Variants in NEK5 observed in about 807,000 individuals in gnomAD.
NEK5 encodes the protein NIMA related kinase 5.
A neutral mutation model predicts 109.2 loss-of-function variants in NEK5; 88 were observed. The ratio of observed to expected loss-of-function variants is 0.81; its 90% CI spans 0.68 to 0.96. The LOEUF is 0.96. Among genes scored for constraint, NEK5 ranks in the 40% least tolerant of loss-of-function variants. The probability of loss-of-function intolerance (pLI) is 0.00; values close to 1 mark genes in which losing one functional copy is unlikely to be tolerated. For synonymous variants in NEK5, 283 were observed against 299.9 expected, an observed-to-expected ratio of 0.94 and a Z score of 0.58; for missense variants, 834 against 920.7, an observed-to-expected ratio of 0.91 and a Z score of 1.22.
intron 12 of NEK5, among the ~76,000 whole-genome samples, chr13:52,096,817 C>G (rs929527710): frequency 6.6e-6 from 1 of 152,172 alleles, no homozygotes; most frequent in Non-Finnish European, 1.5e-5. Context: ...ATGTTGTTAG[C>G]CAAGATAATG....
At chr13:52,109,268 A>C (rs937567452) in intron 7 of NEK5, among the ~76,000 whole-genome samples, 29 of 152,140 alleles carry the variant, frequency 1.9e-4, no homozygotes, top group African/African-American at 7.0e-4. Context: ...GCAGGGTCTG[A>C]TATGCCTCAT....
chr13:52,047,572 C>T (rs915158424), intron 23 of NEK5, among the ~76,000 whole-genome samples: 15 of 152,114 alleles, frequency 9.9e-5, no homozygotes, highest in African/African-American at 3.6e-4. Flanking sequence ...GCTGTAATCC[C>T]AGCATCTGGC....
At chr13:52,088,461 G>A (rs1412384972) in intron 14 of NEK5, among the ~76,000 whole-genome samples, 1 of 146,688 alleles carries the variant, frequency 6.8e-6, no homozygotes, top group Non-Finnish European at 1.5e-5. Flanking sequence ...CACCATGTTG[G>A]TCAGGCTCAT....
chr13:52,046,243 A>G (rs534392514), intron 23 of NEK5, among the ~76,000 whole-genome samples: 19 of 151,656 alleles, frequency 1.3e-4, no homozygotes, highest in Non-Finnish European at 2.5e-4. Flanking sequence ...TTGGGGGGCC[A>G]AGGCATGAAA....
chr13:52,110,469 C>G (rs746159960), intron 6 of NEK5, 25 bp downstream of exon 6: 1 of 1,597,346 alleles, frequency 6.3e-7, no homozygotes, highest in Non-Finnish European at 8.6e-7. Context: ...TCAGTTCTGT[C>G]TTAGTCTTCT....
intron 22 of NEK5, among the ~76,000 whole-genome samples, chr13:52,054,442 T>C (rs1954534714): frequency 6.6e-6 from 1 of 152,214 alleles, no homozygotes; most frequent in African/African-American, 2.4e-5. Context: ...TGCCTCAGCC[T>C]CCCAAAGGGC....
rs1954492277 is a variant in NEK5 at position 52,050,221 on chromosome 13, G to A, written c.2111C>T (p.Ala704Val). 1.0e-6 allele frequency: 1 copy of A among 971,936 alleles called. No individual in the cohort carries two copies. Among genetic ancestry groups the A allele is most frequent in the African/African-American group, 1.8e-5 (1 of 56,940 alleles). 60.2% of individuals were successfully genotyped at this position (971,936 alleles called of 1,614,324 possible). A position where few individuals can be genotyped will look rare whatever the true frequency, so the allele number is the denominator to read the frequency against. ...TAGCCATTGTTTTAATGTTCCCATT[G>A]CTAAAGAAATGACAGAGAAAGATAT... ...SSSFSADEEF[A>V]MGTLKQWLPK... Residue 704 changes from alanine (A) to valine (V), a missense_variant and splice_region_variant, in exon 23 of 24, where the codon GCA (alanine) becomes GTA (valine). Physicochemically the swap from Ala to Val is moderately conservative, Grantham distance 64 (BLOSUM62 0). This residue lies in a region of NEK5 where 777 missense variants were observed against 824.7 expected (regional missense o/e 0.94). Coordinates refer to ENST00000684899, the MANE Select transcript of NEK5 (RefSeq NM_001365552.1).
chr13:52,112,377 G>T lies in NEK5; in HGVS notation c.215-12C>A. The T allele has an allele frequency of 6.6e-7, 1 of 1,509,814 alleles. No individual in the cohort carries two copies. The highest frequency in any genetic ancestry group is 9.2e-7 in the Non-Finnish European group (1 of 1,085,838). The allele number at this position is 1,509,814 out of a possible 1,614,324, so 93.5% of individuals were successfully genotyped here. ...CAGCCTGCCATTCTCTGTAAGAAAA[G>T]GAATCATTTGGTGCTGGAAGGATTT... is the stretch of plus-strand genomic sequence containing the variant. On this transcript the variant is annotated splice_polypyrimidine_tract_variant and intron_variant, in intron 4 of 23. Transcript: ENST00000684899.
At chr13:52,121,658 G>A (rs867000366) in intron 3 of NEK5, among the ~76,000 whole-genome samples, 1 of 152,132 alleles carries the variant, frequency 6.6e-6, no homozygotes, top group Non-Finnish European at 1.5e-5. Flanking sequence ...GCCCACAGAC[G>A]AAAGCCCATA....
intron 1 of NEK5, among the ~76,000 whole-genome samples, chr13:52,128,456 C>A (rs1956111102): frequency 2.0e-5 from 3 of 152,180 alleles, no homozygotes; most frequent in African/African-American, 7.2e-5. Flanking sequence ...TACTTTCTTA[C>A]TTATTGCTTT....
At chr13:52,112,229 C>A in intron 5 of NEK5, 39 bp downstream of exon 5, 4 of 1,075,474 alleles carry the variant, frequency 3.7e-6, no homozygotes, top group African/African-American at 1.6e-5. Context: ...CCCCCCACCA[C>A]ACATACATAA....
chr13:52,127,268 T>C, intron 3 of NEK5, 98 bp downstream of exon 3: 1 of 696,688 alleles, frequency 1.4e-6, no homozygotes, highest in South Asian at 1.8e-5. Context: ...TGGCTTAAAA[T>C]TCGAAATTAT....
chr13:52,098,950 G>A (rs947760961), intron 12 of NEK5, among the ~76,000 whole-genome samples: 7 of 152,058 alleles, frequency 4.6e-5, no homozygotes, highest in Non-Finnish European at 1.0e-4. Context: ...ATATACCATA[G>A]CTTAATGGGT....
At chr13:52,109,714 C>CT (rs1955721095) in intron 7 of NEK5, among the ~76,000 whole-genome samples, 2 of 152,166 alleles carry the variant, frequency 1.3e-5, no homozygotes, top group Non-Finnish European at 2.9e-5. Context: ...TTAACCCAGA[C>CT]ACTCCCTTCC....
intron 8 of NEK5, among the ~76,000 whole-genome samples, chr13:52,106,670 G>A (rs1955662588): frequency 6.6e-6 from 1 of 151,962 alleles, no homozygotes; most frequent in African/African-American, 2.4e-5. Flanking sequence ...GGGAGACTGA[G>A]GCACGAGAAT....
At chr13:52,056,049 A>G (rs2137714475) in intron 22 of NEK5, among the ~76,000 whole-genome samples, 1 of 152,280 alleles carries the variant, frequency 6.6e-6, no homozygotes, top group East Asian at 1.9e-4. Context: ...TATTCAGGAA[A>G]CCCATCTCAC....
chr13:52,069,321 C>A (rs151152821), intron 20 of NEK5, among the ~76,000 whole-genome samples: 3,263 of 152,266 alleles, frequency 0.021, 58 homozygotes, highest in Middle Eastern at 0.068. Flanking sequence ...TCCTCCATGA[C>A]CTGTCTCTCC....
intron 7 of NEK5, among the ~76,000 whole-genome samples, chr13:52,110,097 A>G (rs1955729027): frequency 6.6e-6 from 1 of 152,224 alleles, no homozygotes; most frequent in Non-Finnish European, 1.5e-5. Flanking sequence ...TGCATATTAC[A>G]GTCACATCCA....
Position 52,112,377 on chromosome 13 carries a change from G to A in NEK5, c.215-12C>T, listed in dbSNP as rs1267989983. Reference sequence around the variant, plus strand: ...CAGCCTGCCATTCTCTGTAAGAAAAGGAATCATTTGGTGCTGGAAGGATTT... The same window carrying A: ...CAGCCTGCCATTCTCTGTAAGAAAAAGAATCATTTGGTGCTGGAAGGATTT... On this transcript the variant is annotated splice_polypyrimidine_tract_variant and intron_variant, in intron 4 of 23. Transcript: ENST00000684899. 6 of 1,509,814 alleles carry A rather than the reference G, an allele frequency of 4.0e-6. No homozygotes were observed. Among genetic ancestry groups the A allele is most frequent in the Middle Eastern group, 3.4e-4 (2 of 5,890 alleles). 93.5% of individuals were successfully genotyped at this position (1,509,814 alleles called of 1,614,324 possible).
Sources: gnomAD v4.1 joint callset for allele counts (sites outside exome capture counted in the v4.1 genomes callset) on GRCh38, gnomAD v4.1.1 for gene constraint, gnomAD v4.1.1 regional missense constraint, MANE v1.5 for transcripts, NCBI Gene and HGNC (gene_info 2026-07-23, HGNC 2026-07-21) for gene names.